The following ZBTB46 variants were observed in gnomAD, a reference collection of about 807,000 sequenced individuals.
ZBTB46 encodes the protein zinc finger and BTB domain-containing protein 46.
A neutral mutation model predicts 44.1 loss-of-function variants in ZBTB46; 8 were observed. The observed-to-expected ratio is 0.18, with a 90% confidence interval of 0.11 to 0.33. ZBTB46 has a LOEUF of 0.33. Among genes scored for constraint, ZBTB46 ranks in the 10% least tolerant of loss-of-function variants. ZBTB46 has a pLI of 1.00. For synonymous variants in ZBTB46, 409 were observed against 382.3 expected (o/e 1.07, Z -0.81); for missense variants, 651 against 847.7 (o/e 0.77, Z 2.88).
chr20:63,777,035 GCCACGGTTCCAC>G (rs1568856883), intron 2 of ZBTB46, among the ~76,000 whole-genome samples: 6 of 140,742 alleles, frequency 4.3e-5, no homozygotes, highest in African/African-American at 1.1e-4. Context: ...TCCACCACAC[GCCACGGTTCCAC>G]CACACGCCAC....
intron 3 of ZBTB46, among the ~76,000 whole-genome samples, chr20:63,761,452 A>T (rs920033040): frequency 5.3e-5 from 8 of 152,212 alleles, no homozygotes; most frequent in Non-Finnish European, 1.2e-4. Context: ...ATGTGGGCCT[A>T]AAAGTTTTGA....
chr20:63,758,385 C>A (rs1288210770), intron 3 of ZBTB46, among the ~76,000 whole-genome samples: 1 of 151,952 alleles, frequency 6.6e-6, no homozygotes, highest in Admixed American at 6.6e-5. Context: ...CCCACAGAAA[C>A]CAAACAAGGC....
rs2092058843 is a variant in ZBTB46, at chr20:63,743,739, GA to G, written c.*3190del. ...GGATGTCTAAGCTAATCCCGTCACA[GA>G]AAGGAAACGCACAGGCGCCTAGGCA... On this transcript the variant is annotated 3_prime_UTR_variant, in exon 5 of 5. Transcript: ENST00000245663. 6.6e-6 allele frequency: 1 copy of G among 152,456 alleles called. No individual in the cohort carries two copies. The highest frequency in any genetic ancestry group is 2.1e-4 in the South Asian group (1 of 4,834). 9.4% of individuals were successfully genotyped at this position (152,456 alleles called of 1,614,324 possible). A position where few individuals can be genotyped will look rare whatever the true frequency, so the allele number is the denominator to read the frequency against.
intron 3 of ZBTB46, among the ~76,000 whole-genome samples, chr20:63,761,842 G>C (rs1339054072): frequency 6.6e-6 from 1 of 151,748 alleles, no homozygotes; most frequent in Non-Finnish European, 1.5e-5. Flanking sequence ...TGAGGGTTGT[G>C]TAAACGTATA....
At chr20:63,823,712 T>C (rs1156495970) in intron 1 of ZBTB46, among the ~76,000 whole-genome samples, 1 of 151,800 alleles carries the variant, frequency 6.6e-6, no homozygotes, top group African/African-American at 2.4e-5. Flanking sequence ...AAAAATTAAA[T>C]AATTCAGACC....
intron 1 of ZBTB46, among the ~76,000 whole-genome samples, chr20:63,793,191 G>A (rs142677137): frequency 4.6e-5 from 7 of 152,314 alleles, no homozygotes; most frequent in Non-Finnish European, 8.8e-5. Context: ...CACTGGCCCC[G>A]GGCTTGAGGG....
chr20:63,824,631 G>T (rs1394234309), intron 1 of ZBTB46, among the ~76,000 whole-genome samples: 1 of 96,158 alleles, frequency 1.0e-5, no homozygotes, highest in Non-Finnish European at 2.1e-5. Flanking sequence ...CCCCACCCCC[G>T]TTCTTCTGGG....
chr20:63,799,308 G>T (rs190173624), intron 1 of ZBTB46, among the ~76,000 whole-genome samples: 38 of 151,960 alleles, frequency 2.5e-4, no homozygotes, highest in African/African-American at 9.2e-4. Flanking sequence ...CCAAAGTTCT[G>T]GGACTACAGG....
At chr20:63,761,400 T>C (rs1284128022) in intron 3 of ZBTB46, among the ~76,000 whole-genome samples, 1 of 152,214 alleles carries the variant, frequency 6.6e-6, no homozygotes, top group Non-Finnish European at 1.5e-5. Flanking sequence ...TCTGTCCTAA[T>C]ATATAACTAG....
At chr20:63,765,154 T>TG (rs1215822524) in intron 3 of ZBTB46, among the ~76,000 whole-genome samples, 1 of 151,436 alleles carries the variant, frequency 6.6e-6, no homozygotes. Context: ...AGGCTTGGGG[T>TG]GGGGGGCAGT....
At chr20:63,759,980 A>T (rs536805227) in intron 3 of ZBTB46, among the ~76,000 whole-genome samples, 1 of 152,298 alleles carries the variant, frequency 6.6e-6, no homozygotes, top group South Asian at 2.1e-4. Flanking sequence ...GAGTTCTTGG[A>T]ATGAGCCTGC....
At chr20:63,801,590 T>C (rs1042038984) in intron 1 of ZBTB46, among the ~76,000 whole-genome samples, 1 of 152,144 alleles carries the variant, frequency 6.6e-6, no homozygotes, top group Non-Finnish European at 1.5e-5. Flanking sequence ...TGCTCACTCT[T>C]TGGGTCCACA....
Position 63,803,195 on chromosome 20 carries a change from C to T in ZBTB46, c.-33-12405G>A, listed in dbSNP as rs893948887. On this transcript the variant is annotated intron_variant, in intron 1 of 4. Transcript: ENST00000245663. The surrounding 1 kb of genome is among the most constrained non-coding windows in gnomAD (Gnocchi z 4.0). Reference sequence around the variant, plus strand: ...CAGGGACCAGTGTGGGCACCATCCCCCAGGGCGCCTCACCAGCAGGAACCA... The same window carrying T: ...CAGGGACCAGTGTGGGCACCATCCCTCAGGGCGCCTCACCAGCAGGAACCA... The T allele has an allele frequency of 8.6e-6, 5 of 582,252 alleles. No individual in the cohort carries two copies. The highest frequency in any genetic ancestry group is 2.0e-5 in the African/African-American group (1 of 49,158). 36.1% of individuals were successfully genotyped at this position (582,252 alleles called of 1,614,324 possible).
In ZBTB46 at chr20:63,746,387, C is replaced by T. The variant is rs1394381597; in HGVS notation, c.*543G>A. ...AGAGGTAAGACGGTGGCAGGGCTCT[C>T]TGTGCACCTGGATTCTACAGGCTGC... is the stretch of plus-strand genomic sequence containing the variant. On this transcript the variant is annotated 3_prime_UTR_variant, in exon 5 of 5. Coordinates refer to ENST00000245663, the MANE Select transcript of ZBTB46 (RefSeq NM_001369741.1). 6.5e-6 allele frequency: 1 copy of T among 153,318 alleles called. No individual in the cohort carries two copies. The highest frequency in any genetic ancestry group is 1.5e-5 in the Non-Finnish European group (1 of 68,612). The allele number at this position is 153,318 out of a possible 1,614,324, so 9.5% of individuals were successfully genotyped here. A position where few individuals can be genotyped will look rare whatever the true frequency, so the allele number is the denominator to read the frequency against.
intron 1 of ZBTB46, among the ~76,000 whole-genome samples, chr20:63,826,862 A>G (rs1253484599): frequency 6.6e-6 from 1 of 152,204 alleles, no homozygotes; most frequent in Non-Finnish European, 1.5e-5. Context: ...CCCACAGCTG[A>G]CCAGCTCCCA....
At chr20:63,764,669 C>T (rs1260694729) in intron 3 of ZBTB46, among the ~76,000 whole-genome samples, 1 of 150,142 alleles carries the variant, frequency 6.7e-6, no homozygotes, top group Non-Finnish European at 1.5e-5. Context: ...ATGGCTCGAT[C>T]TCAGCTCACC....
chr20:63,813,792 A>C (rs2146042281), intron 1 of ZBTB46, among the ~76,000 whole-genome samples: 1 of 152,346 alleles, frequency 6.6e-6, no homozygotes, highest in South Asian at 2.1e-4. Context: ...GCCACAGTGA[A>C]AATGTGCAGG....
intron 3 of ZBTB46, among the ~76,000 whole-genome samples, chr20:63,771,097 C>T (rs1259835133): frequency 2.0e-5 from 3 of 152,154 alleles, no homozygotes; most frequent in Non-Finnish European, 4.4e-5. Flanking sequence ...CTCCCAGGCC[C>T]TCTTCAGAGC....
chr20:63,793,034 G>C (rs546109415), intron 1 of ZBTB46, among the ~76,000 whole-genome samples: 292 of 152,188 alleles, frequency 1.9e-3, no homozygotes, highest in African/African-American at 6.8e-3. Context: ...TTCACTTCCT[G>C]CCCGCCGGGC....
Sources: allele counts gnomAD v4.1 joint callset (sites outside exome capture counted in the v4.1 genomes callset), GRCh38; gene constraint gnomAD v4.1.1; non-coding constraint Gnocchi (gnomAD v3.1); transcripts MANE v1.5; gene names NCBI Gene and HGNC (gene_info 2026-07-23, HGNC 2026-07-21).